The following PDE1C variants were observed in gnomAD, a reference collection of about 807,000 sequenced individuals.
PDE1C encodes phosphodiesterase 1C.
In PDE1C, 62 loss-of-function variants were observed where a neutral mutation model predicts 93.1. That is an observed-to-expected ratio of 0.67 (90% CI 0.54 to 0.82). The LOEUF is 0.82. Among genes scored for constraint, PDE1C ranks in the 40% least tolerant of loss-of-function variants. PDE1C has a pLI of 0.00. For synonymous variants in PDE1C, 325 were observed against 310.1 expected (o/e 1.05, Z -0.50); for missense variants, 742 against 884.6 (o/e 0.84, Z 2.04).
chr7:32,265,433 G>A (rs1258872489), intron 1 of PDE1C, among the ~76,000 whole-genome samples: 3 of 152,128 alleles, frequency 2.0e-5, no homozygotes, highest in Non-Finnish European at 4.4e-5. Flanking sequence ...GGAATAACAG[G>A]AAGAGAAAAA....
At chr7:32,425,430 AG>A in intron 1 of PDE1C, among the ~76,000 whole-genome samples, 1 of 152,212 alleles carries the variant, frequency 6.6e-6, no homozygotes, top group East Asian at 1.9e-4. Context: ...TAAGTATCCT[AG>A]GTGATATAAA....
At chr7:31,998,076 G>A (rs927141344) in intron 2 of PDE1C, among the ~76,000 whole-genome samples, 1 of 151,636 alleles carries the variant, frequency 6.6e-6, no homozygotes, top group Non-Finnish European at 1.5e-5. Flanking sequence ...CTGGAATGCA[G>A]TGGCGCAATC....
rs547236967 is a variant in PDE1C at position 31,881,033 on chromosome 7, T to C, written c.129-173A>G. 3.9e-5 allele frequency among the ~76,000 whole-genome samples: 6 copies of C among 152,348 alleles called. No individual in the cohort carries two copies. In the South Asian group the frequency reaches 1.2e-3, roughly 32 times the overall value. On this transcript the variant is annotated intron_variant, in intron 2 of 17. Transcript: ENST00000396191. Reference sequence around the variant, plus strand: ...GTAATAAAATAAATGTATACATTTTTGCCATTGTGAAGTAAGAAGAAAAAA... The same window carrying C: ...GTAATAAAATAAATGTATACATTTTCGCCATTGTGAAGTAAGAAGAAAAAA...
chr7:32,387,579 G>A (rs1277513703), intron 1 of PDE1C, among the ~76,000 whole-genome samples: 10 of 147,506 alleles, frequency 6.8e-5, no homozygotes, highest in East Asian at 2.0e-4. Context: ...AGGGGCGGCC[G>A]GGCAGAGGCG....
rs182194390 is a variant in PDE1C, at chr7:32,295,855, C to T, written c.85+2796G>A. 3.3e-3 allele frequency among the ~76,000 whole-genome samples: 471 copies of T among 140,984 alleles called. 3 individuals carry two copies. Among genetic ancestry groups the T allele is most frequent in the Middle Eastern group, 0.013 (3 of 230 alleles). 92.5% of individuals were successfully genotyped at this position (140,984 alleles called of 152,430 possible). Reference sequence around the variant, plus strand: ...CTTGCAGTGAGCTGAGATCGGGTCACTGCACTCCAGCCCGGGTGAGAGAGC... The same window carrying T: ...CTTGCAGTGAGCTGAGATCGGGTCATTGCACTCCAGCCCGGGTGAGAGAGC... On this transcript the variant is annotated intron_variant, in intron 1 of 18. Transcript: ENST00000396193.
the PDE1C span, among the ~76,000 whole-genome samples, chr7:31,669,946 G>T: frequency 6.6e-6 from 1 of 152,176 alleles, no homozygotes; most frequent in Non-Finnish European, 1.5e-5. Flanking sequence ...GCATATCAGG[G>T]AAATGTGTTC....
the PDE1C span, among the ~76,000 whole-genome samples, chr7:31,661,843 C>T: frequency 6.6e-6 from 1 of 152,166 alleles, no homozygotes; most frequent in Non-Finnish European, 1.5e-5. Context: ...CTGCCTACTC[C>T]CTTCAGTTCA....
rs1390584963 is a variant in PDE1C, at chr7:32,281,842, CA to C, written c.85+16808del. Among the ~76,000 whole-genome samples the C allele has an allele frequency of 1.1e-4, 16 of 152,190 alleles. No homozygotes were observed. In the East Asian group the frequency reaches 2.9e-3, roughly 28 times the overall value. ...TATACACCATGGAATACTATGCAGC[CA>C]TAAAAAGGATGAGTTCATGTCCTTT... On this transcript the variant is annotated intron_variant, in intron 1 of 18. Coordinates refer to the PDE1C transcript ENST00000396193.
Position 31,853,999 on chromosome 7 carries a change from T to C in PDE1C, c.751-3258A>G, listed in dbSNP as rs568034012. On this transcript the variant is annotated intron_variant, in intron 7 of 17. Transcript: ENST00000396191. ...ATCTGGGCCTCCCAAAATTCTGGGA[T>C]TATAGGCGTGAGCAACTGTGCCTGG... Among the ~76,000 whole-genome samples the C allele has an allele frequency of 2.0e-5, 3 of 152,078 alleles. No homozygotes were observed. The East Asian group carries it at 5.8e-4, about 30-fold the overall frequency.
intron 16 of PDE1C, chr7:31,784,790 TATC>T (rs1783747668): frequency 6.6e-6 from 1 of 152,142 alleles, no homozygotes; most frequent in Admixed American, 6.5e-5. Context: ...TGTATAAAAA[TATC>T]ATCAAAGCAA....
At chr7:31,686,710 G>A in the PDE1C span, 5 of 152,314 alleles carry the variant, frequency 3.3e-5, no homozygotes, top group African/African-American at 9.6e-5. Flanking sequence ...TGGCCTGAGG[G>A]TTAAGTAAGT....
At chr7:31,974,097 G>C (rs1811325466) in intron 2 of PDE1C, among the ~76,000 whole-genome samples, 2 of 152,100 alleles carry the variant, frequency 1.3e-5, no homozygotes, top group African/African-American at 4.8e-5. Flanking sequence ...TTTTCTGCCA[G>C]AATCATATAG....
chr7:31,964,061 C>A (rs930692729), intron 2 of PDE1C, among the ~76,000 whole-genome samples: 1 of 152,200 alleles, frequency 6.6e-6, no homozygotes, highest in African/African-American at 2.4e-5. Context: ...TTCTGCATTT[C>A]CAACTGAGGT....
chr7:32,117,178 C>T (rs1799029270), intron 3 of PDE1C, among the ~76,000 whole-genome samples: 1 of 152,156 alleles, frequency 6.6e-6, no homozygotes, highest in Non-Finnish European at 1.5e-5. Flanking sequence ...TCTATCCAAA[C>T]CTCTGTAGAG....
At chr7:32,318,633 T>G (rs1783221905) in intron 1 of PDE1C, among the ~76,000 whole-genome samples, 1 of 152,130 alleles carries the variant, frequency 6.6e-6, no homozygotes, top group Non-Finnish European at 1.5e-5. Flanking sequence ...CGTGGTGTCT[T>G]TTCACCAGGA....
chr7:32,196,119 G>C (rs1232796760), intron 2 of PDE1C, among the ~76,000 whole-genome samples: 1 of 152,164 alleles, frequency 6.6e-6, no homozygotes, highest in Non-Finnish European at 1.5e-5. Flanking sequence ...TGGGAGGAAG[G>C]CTGATTTAGA....
At chr7:31,967,230 A>G (rs1810143909) in intron 2 of PDE1C, among the ~76,000 whole-genome samples, 2 of 152,208 alleles carry the variant, frequency 1.3e-5, no homozygotes, top group Admixed American at 6.5e-5. Flanking sequence ...AATAAAGAAG[A>G]AAAGAGAGAA....
chr7:32,299,278 CA>C, exon 1 of PDE1C: 1 of 986,896 alleles, frequency 1.0e-6, no homozygotes, highest in Non-Finnish European at 1.2e-6. Flanking sequence ...GATGGAAAGG[CA>C]AACCCCTCAG....
intron 2 of PDE1C, among the ~76,000 whole-genome samples, chr7:31,967,480 C>G (rs971068113): frequency 1.3e-5 from 2 of 152,166 alleles, no homozygotes; most frequent in African/African-American, 4.8e-5. Flanking sequence ...AGCTCACCAA[C>G]CAAAGAAAGT....
Sources: allele counts gnomAD v4.1 joint callset (sites outside exome capture counted in the v4.1 genomes callset), GRCh38; gene constraint gnomAD v4.1.1; transcripts MANE v1.5; gene names NCBI Gene and HGNC (gene_info 2026-07-23, HGNC 2026-07-21).